GPAT3: variants seen among roughly 807,000 people sequenced by gnomAD.
GPAT3 encodes the protein 1-AGP acyltransferase 9.
Under a neutral mutation model 58.8 loss-of-function variants are expected in GPAT3, and 53 were observed. The ratio of observed to expected loss-of-function variants is 0.90; its 90% confidence interval spans 0.72 to 1.13. The LOEUF is 1.13. Ranked by LOEUF, GPAT3 falls within the 50% of genes most tolerant of loss-of-function variation. The pLI, the probability that GPAT3 is intolerant of heterozygous loss-of-function variation, is 0.00. For synonymous variants in GPAT3, 197 were observed against 187.4 expected, an observed-to-expected ratio of 1.05 and a Z score of -0.42; for missense variants, 511 against 527.6, an observed-to-expected ratio of 0.97 and a Z score of 0.31.
At chr4:83,573,699 C>T (rs551541103) in intron 2 of GPAT3, among the ~76,000 whole-genome samples, 141 of 152,256 alleles carry the variant, frequency 9.3e-4, no homozygotes, top group Non-Finnish European at 1.3e-3. Flanking sequence ...ATCTGAGCCC[C>T]TCAGAGGAGC....
intron 2 of GPAT3, among the ~76,000 whole-genome samples, chr4:83,554,663 C>G (rs1416150971): frequency 1.3e-5 from 2 of 152,132 alleles, no homozygotes; most frequent in Non-Finnish European, 2.9e-5. Flanking sequence ...CTGTTCTACT[C>G]AAAAGCCCCT....
intron 2 of GPAT3, among the ~76,000 whole-genome samples, chr4:83,573,060 G>C (rs1419373719): frequency 1.3e-5 from 2 of 152,214 alleles, no homozygotes; most frequent in Non-Finnish European, 2.9e-5. Context: ...ACAAGATGGA[G>C]ATCAGTTGTA....
Position 83,594,941 on chromosome 4 carries a change from C to T in GPAT3, c.835C>T (p.Arg279Ter), listed in dbSNP as rs1194836709. 1.6e-5 allele frequency: 26 copies of T among 1,613,544 alleles called. No individual in the cohort carries two copies. The highest frequency in any genetic ancestry group is 2.2e-5 in the East Asian group (1 of 44,874). ...VWFERSEMKD[R>*]HLVTKRLKEH... ...GTTTGAACGCTCAGAAATGAAGGAT[C>T]GACACCTGGTTACTAAGAGGTAAGC... is the stretch of plus-strand genomic sequence containing the variant. Residue 279 changes from arginine to a stop codon, truncating the protein, a stop_gained, in exon 7 of 12, where the codon CGA becomes TGA. Transcript: ENST00000264409. LOFTEE classifies it high-confidence loss of function.
intron 5 of GPAT3, 92 bp from the exon 6 acceptor site, chr4:83,590,107 T>TAC (rs575645323): frequency 3.6e-4 from 418 of 1,146,486 alleles, no homozygotes; most frequent in Middle Eastern, 8.1e-4. Context: ...ATTACATATA[T>TAC]ACACACACAC....
At chr4:83,582,181 G>C (rs1161916170) in intron 3 of GPAT3, among the ~76,000 whole-genome samples, 2 of 152,232 alleles carry the variant, frequency 1.3e-5, no homozygotes, top group African/African-American at 4.8e-5. Context: ...ATATTCACTA[G>C]AGCATCAGCC....
At chr4:83,603,181 A>G (rs1727124192) in intron 11 of GPAT3, among the ~76,000 whole-genome samples, 2 of 152,222 alleles carry the variant, frequency 1.3e-5, no homozygotes, top group African/African-American at 4.8e-5. Context: ...TTCTCAGCCC[A>G]TGCTCTCCTA....
chr4:83,551,520 G>A (rs904576888), intron 2 of GPAT3, among the ~76,000 whole-genome samples: 2 of 152,010 alleles, frequency 1.3e-5, no homozygotes, highest in Non-Finnish European at 2.9e-5. Context: ...TGGGCTGGGC[G>A]CAGTGGCTCA....
chr4:83,592,668 C>CAGA (rs1726648465), intron 6 of GPAT3, among the ~76,000 whole-genome samples: 1 of 152,030 alleles, frequency 6.6e-6, no homozygotes, highest in South Asian at 2.1e-4. Flanking sequence ...GAAATGTTTT[C>CAGA]AAGCTTACAG....
In GPAT3 at chr4:83,605,122, T is replaced by C. The variant is rs1521531; in HGVS notation, c.*355T>C. On this transcript the variant is annotated 3_prime_UTR_variant, in exon 12 of 12. Transcript: ENST00000264409. ...AATTCTCCAAAAATGCCCAAACTCT[T>C]TTTCTGTAATTAGCCTTGCCACTTT... 101,310 of 166,560 alleles carry C rather than the reference T, an allele frequency of 0.61. 30,985 individuals carry two copies. Among genetic ancestry groups the C allele is most frequent in the Middle Eastern group, 0.76 (272 of 360 alleles). The allele number at this position is 166,560 out of a possible 1,614,324, so 10.3% of individuals were successfully genotyped here.
chr4:83,547,036 T>C (rs984765000), intron 2 of GPAT3, among the ~76,000 whole-genome samples: 2 of 151,970 alleles, frequency 1.3e-5, no homozygotes, highest in Non-Finnish European at 2.9e-5. Context: ...ATTGAGTACT[T>C]GTGTGCTTGG....
At chr4:83,567,813 G>T (rs575695588) in intron 2 of GPAT3, among the ~76,000 whole-genome samples, 1 of 152,174 alleles carries the variant, frequency 6.6e-6, no homozygotes, top group South Asian at 2.1e-4. Context: ...GGTGCTTATT[G>T]GTTGGTTAGG....
rs1726458249 is a variant in GPAT3 at position 83,588,203 on chromosome 4, C to T, written c.555-7C>T. On this transcript the variant is annotated splice_polypyrimidine_tract_variant and splice_region_variant and intron_variant, in intron 4 of 11. Coordinates refer to ENST00000264409, the MANE Select transcript of GPAT3 (RefSeq NM_032717.5). Reference sequence around the variant, plus strand: ...ATGGCACAATAAAATGTTTCTATTTCCTTCAGCCTCAAAAACTGGCTGAGT... The same window carrying T: ...ATGGCACAATAAAATGTTTCTATTTTCTTCAGCCTCAAAAACTGGCTGAGT... The T allele has an allele frequency of 1.2e-6, 2 of 1,613,540 alleles. No homozygotes were observed. The highest frequency in any genetic ancestry group is 1.1e-5 in the South Asian group (1 of 91,030).
chr4:83,571,074 C>A (rs1725588494), intron 2 of GPAT3, among the ~76,000 whole-genome samples: 1 of 152,096 alleles, frequency 6.6e-6, no homozygotes, highest in African/African-American at 2.4e-5. Flanking sequence ...ATTATATATT[C>A]TTTGTGTCTG....
chr4:83,555,970 GT>G (rs1560607578), intron 2 of GPAT3, among the ~76,000 whole-genome samples: 1 of 152,076 alleles, frequency 6.6e-6, no homozygotes, highest in Non-Finnish European at 1.5e-5. Context: ...AAGTCAGTTT[GT>G]TTTTTTCTTA....
chr4:83,550,992 A>T (rs1417258739), intron 2 of GPAT3, among the ~76,000 whole-genome samples: 1 of 152,226 alleles, frequency 6.6e-6, no homozygotes, highest in Non-Finnish European at 1.5e-5. Flanking sequence ...ATATTATAAA[A>T]ATTTAGTTCA....
intron 9 of GPAT3, 132 bp downstream of exon 9, chr4:83,597,647 G>A: frequency 1.7e-6 from 1 of 592,626 alleles, no homozygotes; most frequent in Non-Finnish European, 2.8e-6. Context: ...CCAGTCCTCT[G>A]CACTTTGCCT....
chr4:83,581,089 C>G (rs942684979), intron 2 of GPAT3, among the ~76,000 whole-genome samples: 1 of 118,622 alleles, frequency 8.4e-6, no homozygotes, highest in African/African-American at 3.1e-5. Context: ...GAGCAAGACT[C>G]CGTCTCAAAA....
intron 2 of GPAT3, among the ~76,000 whole-genome samples, chr4:83,562,199 A>ATATT (rs5859879): frequency 1.4e-4 from 5 of 36,074 alleles, no homozygotes; most frequent in African/African-American, 4.2e-4. Context: ...ATATATATAT[A>ATATT]ATATATATAT....
rs1190038933 is a variant in GPAT3, at chr4:83,579,030, CTT to C, written c.209-2530_209-2529del. Among the ~76,000 whole-genome samples, 59 of 23,052 alleles carry C rather than the reference CTT, an allele frequency of 2.6e-3. 4 individuals carry two copies. The highest frequency in any genetic ancestry group is 0.029 in the Middle Eastern group (1 of 34). 15.1% of individuals were successfully genotyped at this position (23,052 alleles called of 152,430 possible). On this transcript the variant is annotated intron_variant, in intron 2 of 11. Transcript: ENST00000264409. ...CTTCCTTCTTTCCCTTTCTTTCTTT[CTT>C]TCTTTCTTTCTTTCTTTCTTTCTTT... is the stretch of plus-strand genomic sequence containing the variant.
Sources: allele counts gnomAD v4.1 joint callset (sites outside exome capture counted in the v4.1 genomes callset), GRCh38; gene constraint gnomAD v4.1.1; transcripts MANE v1.5; gene names NCBI Gene and HGNC (gene_info 2026-07-23, HGNC 2026-07-21).